The following STON2 variants were observed in gnomAD, a reference collection of about 807,000 sequenced individuals.
STON2 encodes stonin-2.
In STON2, 29 loss-of-function variants were observed where a neutral mutation model predicts 65.7. That is an observed-to-expected ratio of 0.44 (90% CI 0.33 to 0.60). STON2 has a LOEUF of 0.60. STON2 is among the 20% of genes least tolerant of loss of function. The pLI, the probability that STON2 is intolerant of heterozygous loss-of-function variation, is 0.03. For missense variants in STON2, 1,054 were observed against 1,118.1 expected, an observed-to-expected ratio of 0.94 and a Z score of 0.82; for synonymous variants, 404 against 414.2, an observed-to-expected ratio of 0.98 and a Z score of 0.30.
In STON2 at chr14:81,351,659, T is replaced by C. The variant is rs142034220; in HGVS notation, c.571+19329A>G. 5.0e-3 allele frequency among the ~76,000 whole-genome samples: 767 copies of C among 152,366 alleles called. 1 individual carries two copies. The highest frequency in any genetic ancestry group is 0.01 in the Middle Eastern group (3 of 294). ...AAGCATAATGGGGCAAAGAGTTTGA[T>C]AGAGATTCTGTCCATTCAAAATGTG... On this transcript the variant is annotated intron_variant, in intron 4 of 7. Coordinates refer to ENST00000614646, the MANE Select transcript of STON2 (RefSeq NM_001394390.1).
intron 5 of STON2, among the ~76,000 whole-genome samples, chr14:81,294,563 T>C (rs1386870239): frequency 6.6e-6 from 1 of 152,230 alleles, no homozygotes; most frequent in Admixed American, 6.5e-5. Context: ...TCTTACATTG[T>C]TGTGAGAACT....
chr14:81,293,879 T>G (rs1057222849), intron 5 of STON2, among the ~76,000 whole-genome samples: 1 of 152,162 alleles, frequency 6.6e-6, no homozygotes, highest in African/African-American at 2.4e-5. Flanking sequence ...GATTGCTGAT[T>G]TGCAGAATCA....
chr14:81,365,839 ATT>A (rs1421904113), intron 4 of STON2, among the ~76,000 whole-genome samples: 1 of 152,010 alleles, frequency 6.6e-6, no homozygotes, highest in African/African-American at 2.4e-5. Context: ...GCATTTACAT[ATT>A]TTCTCTTCCC....
intron 4 of STON2, among the ~76,000 whole-genome samples, chr14:81,343,583 C>A (rs1338314751): frequency 6.6e-6 from 1 of 152,158 alleles, no homozygotes; most frequent in African/African-American, 2.4e-5. Context: ...AAAGAAACCG[C>A]CTTTATGAAA....
Position 81,267,281 on chromosome 14 carries a change from A to C in STON2, c.*1133T>G. Reference sequence around the variant, plus strand: ...GGAATCAGAATATAATGTTCCCAACATTAGAAAAATATGGCTTTTCCACGT... The same window carrying C: ...GGAATCAGAATATAATGTTCCCAACCTTAGAAAAATATGGCTTTTCCACGT... On this transcript the variant is annotated 3_prime_UTR_variant, in exon 8 of 8. Coordinates refer to ENST00000614646, the MANE Select transcript of STON2 (RefSeq NM_001394390.1). 1.0e-6 allele frequency: 1 copy of C among 985,478 alleles called. No homozygotes were observed. The highest frequency in any genetic ancestry group is 1.7e-5 in the African/African-American group (1 of 57,372). The allele number at this position is 985,478 out of a possible 1,614,324, so 61.0% of individuals were successfully genotyped here.
At position 81,369,275 on chromosome 14, in the gene STON2, T is replaced by G. The variant is rs140721070; in HGVS notation, c.571+1713A>C. On this transcript the variant is annotated intron_variant, in intron 4 of 7. Coordinates refer to ENST00000614646, the MANE Select transcript of STON2 (RefSeq NM_001394390.1). ...AAAACAGGGGAGGAGGTTTTCTTGA[T>G]GCAAACTATGACACTGTTAGAATGA... Among the ~76,000 whole-genome samples the G allele has an allele frequency of 8.6e-3, 1,310 of 152,278 alleles. 26 individuals carry two copies. Among genetic ancestry groups the G allele is most frequent in the African/African-American group, 0.03 (1,242 of 41,550 alleles).
chr14:81,349,125 A>G (rs1897928429), intron 4 of STON2, among the ~76,000 whole-genome samples: 1 of 152,104 alleles, frequency 6.6e-6, no homozygotes, highest in Admixed American at 6.6e-5. Flanking sequence ...TAACACCCGA[A>G]ACTACAAAAT....
At chr14:81,313,216 AGTTTT>A (rs1896494429) in intron 5 of STON2, among the ~76,000 whole-genome samples, 1 of 152,192 alleles carries the variant, frequency 6.6e-6, no homozygotes, top group African/African-American at 2.4e-5. Flanking sequence ...GAACCCAGGG[AGTTTT>A]GTTTTGTTTT....
chr14:81,310,697 TAC>T (rs1896390311), intron 5 of STON2, among the ~76,000 whole-genome samples: 4 of 152,210 alleles, frequency 2.6e-5, no homozygotes, highest in Admixed American at 2.6e-4. Context: ...TGTATCAGGA[TAC>T]GCTGCTGCAT....
At chr14:81,357,823 G>A (rs531342225) in intron 4 of STON2, among the ~76,000 whole-genome samples, 118 of 147,690 alleles carry the variant, frequency 8.0e-4, no homozygotes, top group Non-Finnish European at 1.3e-3. Flanking sequence ...TCACTTATAG[G>A]TGGGAATTGA....
In STON2 at chr14:81,265,999, G is replaced by A. The variant is rs1894344580; in HGVS notation, c.*2415C>T. Reference sequence around the variant, plus strand: ...AATCTCAAAAGCCTTCAGTACAACAGGGGAAGAGATATGCGTTGAAATTCC... The same window carrying A: ...AATCTCAAAAGCCTTCAGTACAACAAGGGAAGAGATATGCGTTGAAATTCC... On this transcript the variant is annotated 3_prime_UTR_variant, in exon 8 of 8. Transcript: ENST00000614646. 5.1e-6 allele frequency: 5 copies of A among 985,408 alleles called. No individual in the cohort carries two copies. Among genetic ancestry groups the A allele is most frequent in the Non-Finnish European group, 6.0e-6 (5 of 829,918 alleles). 61.0% of individuals were successfully genotyped at this position (985,408 alleles called of 1,614,324 possible). A position where few individuals can be genotyped will look rare whatever the true frequency, so the allele number is the denominator to read the frequency against.
chr14:81,348,428 C>T (rs1040817275), intron 4 of STON2, among the ~76,000 whole-genome samples: 1 of 151,954 alleles, frequency 6.6e-6, no homozygotes, highest in Non-Finnish European at 1.5e-5. Flanking sequence ...ACAAAATCAA[C>T]ACACAAAAAT....
In STON2 at chr14:81,278,340, T is replaced by C; in HGVS notation, c.1142A>G (p.Gln381Arg). Residue 381 changes from glutamine to arginine, a missense_variant, in exon 6 of 8, where the codon CAG becomes CGG. Transcript: ENST00000614646. ...ACTGAAAGGGTTGATAGGGGAGGGC[T>C]GTACATCCTGCAGAGTCTCATTCAG... Reference protein sequence around the residue: ...PFLNETLQDVQPSPINPFSAF... With the variant: ...PFLNETLQDVRPSPINPFSAF... 6.2e-7 allele frequency: 1 copy of C among 1,614,196 alleles called. No homozygotes were observed. The highest frequency in any genetic ancestry group is 8.5e-7 in the Non-Finnish European group (1 of 1,180,036).
At chr14:81,332,231 T>C (rs1282567184) in intron 4 of STON2, among the ~76,000 whole-genome samples, 1 of 152,216 alleles carries the variant, frequency 6.6e-6, no homozygotes. Flanking sequence ...GTTATGAGAA[T>C]ATTCACCCAA....
At chr14:81,335,508 CAAG>C (rs2140278383) in intron 4 of STON2, among the ~76,000 whole-genome samples, 1 of 152,242 alleles carries the variant, frequency 6.6e-6, no homozygotes, top group Admixed American at 6.5e-5. Context: ...TGTCACCTCT[CAAG>C]AGTTATTGTT....
chr14:81,404,048 C>A (rs1004255845), upstream of STON2, among the ~76,000 whole-genome samples: 2 of 152,146 alleles, frequency 1.3e-5, no homozygotes, highest in African/African-American at 4.8e-5. Flanking sequence ...TGTTGGGTAA[C>A]CAGCTGAATG....
chr14:81,322,359 A>G (rs1896851679), intron 5 of STON2, among the ~76,000 whole-genome samples: 1 of 152,154 alleles, frequency 6.6e-6, no homozygotes, highest in Non-Finnish European at 1.5e-5. Flanking sequence ...TTGTTTTTTA[A>G]TCATAACTGA....
intron 4 of STON2, among the ~76,000 whole-genome samples, chr14:81,343,004 T>C (rs1897674212): frequency 6.6e-6 from 1 of 152,174 alleles, no homozygotes; most frequent in Non-Finnish European, 1.5e-5. Flanking sequence ...CTGTTATAAG[T>C]GGAGACCACA....
Position 81,266,708 on chromosome 14 carries a change from A to AT in STON2, c.*1705dup. ...CATTAGCTTTGTGAATAGCCATGAT[A>AT]TATTTCTGATTCAACATTGAACCTC... On this transcript the variant is annotated 3_prime_UTR_variant, in exon 8 of 8. Transcript: ENST00000614646. 1.0e-6 allele frequency: 1 copy of AT among 985,368 alleles called. No individual in the cohort carries two copies. The allele number at this position is 985,368 out of a possible 1,614,324, so 61.0% of individuals were successfully genotyped here. A position where few individuals can be genotyped will look rare whatever the true frequency, so the allele number is the denominator to read the frequency against.
Sources: allele counts gnomAD v4.1 joint callset (sites outside exome capture counted in the v4.1 genomes callset), GRCh38; gene constraint gnomAD v4.1.1; transcripts MANE v1.5; gene names NCBI Gene and HGNC (gene_info 2026-07-23, HGNC 2026-07-21).